The following CADM2 variants were observed in gnomAD, a reference collection of about 807,000 sequenced individuals.
CADM2 encodes cell adhesion molecule 2.
In CADM2, 12 loss-of-function variants were observed where a neutral mutation model predicts 49.8. That is an observed-to-expected ratio of 0.24 (90% CI 0.15 to 0.39). The LOEUF (loss-of-function observed/expected upper bound fraction) is 0.39. Ranked by LOEUF, CADM2 falls within the 10% of genes least tolerant of loss-of-function variation. The pLI, the probability that CADM2 is intolerant of heterozygous loss-of-function variation, is 1.00. For synonymous variants in CADM2, 214 were observed against 175.4 expected (o/e 1.22, Z -1.74); for missense variants, 378 against 492.3 (o/e 0.77, Z 2.20).
intron 8 of CADM2, among the ~76,000 whole-genome samples, chr3:85,962,332 T>G (rs1724940621): frequency 6.6e-6 from 1 of 152,006 alleles, no homozygotes; most frequent in African/African-American, 2.4e-5. Context: ...ACTTTATAAC[T>G]TCTGTAATTT....
chr3:85,665,944 T>A (rs57967637), intron 1 of CADM2, among the ~76,000 whole-genome samples: 3 of 151,826 alleles, frequency 2.0e-5, no homozygotes, highest in Non-Finnish European at 4.4e-5. Context: ...AAAGAAGAAG[T>A]CAAATTGTCT....
At chr3:85,257,660 T>G (rs965116366) in intron 1 of CADM2, among the ~76,000 whole-genome samples, 1 of 152,118 alleles carries the variant, frequency 6.6e-6, no homozygotes, top group Non-Finnish European at 1.5e-5. Flanking sequence ...TGGCCCAGGA[T>G]TAATATCCAG....
intron 1 of CADM2, among the ~76,000 whole-genome samples, chr3:85,705,586 C>T (rs950734281): frequency 1.3e-5 from 2 of 152,138 alleles, no homozygotes; most frequent in African/African-American, 4.8e-5. Flanking sequence ...ATCATGATTC[C>T]TCAATCTGTA....
At chr3:85,922,807 C>G (rs542144474) in intron 6 of CADM2, among the ~76,000 whole-genome samples, 1 of 150,272 alleles carries the variant, frequency 6.7e-6, no homozygotes, top group South Asian at 2.1e-4. Flanking sequence ...TAAAATAAAA[C>G]TAAAATATAT....
chr3:85,451,494 C>T (rs910525659), intron 1 of CADM2, among the ~76,000 whole-genome samples: 1 of 152,020 alleles, frequency 6.6e-6, no homozygotes, highest in Non-Finnish European at 1.5e-5. Flanking sequence ...ACACCCACAG[C>T]TGTTTTGTTT....
At chr3:85,755,702 G>C (rs2069084444) in intron 2 of CADM2, among the ~76,000 whole-genome samples, 1 of 152,078 alleles carries the variant, frequency 6.6e-6, no homozygotes, top group Non-Finnish European at 1.5e-5. Flanking sequence ...AGTGAGAGAA[G>C]GGGGAGGTGC....
intron 7 of CADM2, among the ~76,000 whole-genome samples, chr3:85,938,556 G>A (rs1333508102): frequency 6.6e-6 from 1 of 152,028 alleles, no homozygotes; most frequent in African/African-American, 2.4e-5. Flanking sequence ...AGCCATACAA[G>A]AGTGGGAGTG....
intron 1 of CADM2, among the ~76,000 whole-genome samples, chr3:84,980,398 A>G (rs1434413919): frequency 1.3e-5 from 2 of 152,196 alleles, no homozygotes; most frequent in Non-Finnish European, 2.9e-5. Flanking sequence ...TTTATTATGA[A>G]CAGCAAAATA....
intron 1 of CADM2, among the ~76,000 whole-genome samples, chr3:85,414,825 T>C (rs1356232120): frequency 6.6e-6 from 1 of 152,166 alleles, no homozygotes; most frequent in Admixed American, 6.6e-5. Context: ...CTATGTGTTA[T>C]GCGGGAAGGG....
At chr3:85,935,187 T>C (rs1438581372) in intron 6 of CADM2, among the ~76,000 whole-genome samples, 1 of 152,148 alleles carries the variant, frequency 6.6e-6, no homozygotes, top group Non-Finnish European at 1.5e-5. Context: ...ATGTTAACTT[T>C]TAATAAAATC....
At chr3:86,039,896 A>G (rs924717092) in intron 8 of CADM2, among the ~76,000 whole-genome samples, 1 of 152,182 alleles carries the variant, frequency 6.6e-6, no homozygotes, top group Non-Finnish European at 1.5e-5. Context: ...TTCCAGAGGA[A>G]CGATCAGGCA....
In CADM2 at chr3:85,076,709, CACCTTTAATT is replaced by C. The variant is rs534126193; in HGVS notation, c.61+117042_61+117051del. 4.9e-4 allele frequency among the ~76,000 whole-genome samples: 75 copies of C among 152,146 alleles called. 2 individuals are homozygous for C. The East Asian group carries it at 0.014, about 29-fold the overall frequency. On this transcript the variant is annotated intron_variant, in intron 1 of 9. Transcript: ENST00000383699. ...ATTTTCGGCTGGGCATGGTGGTTCA[CACCTTTAATT>C]CCAGCACTTTGAGAGGTCGAGGTGT...
intron 1 of CADM2, among the ~76,000 whole-genome samples, chr3:85,695,507 T>G (rs528314005): frequency 1.3e-5 from 2 of 152,118 alleles, no homozygotes; most frequent in South Asian, 2.1e-4. Context: ...TCCATCCAAT[T>G]TGCTGCAAGA....
chr3:85,308,266 T>G (rs1218183105), intron 1 of CADM2, among the ~76,000 whole-genome samples: 1 of 149,686 alleles, frequency 6.7e-6, no homozygotes, highest in African/African-American at 2.5e-5. Context: ...AAGATTCAAG[T>G]TTTTTTTTAT....
At chr3:85,017,853 G>T (rs1370552422) in intron 1 of CADM2, among the ~76,000 whole-genome samples, 1 of 152,102 alleles carries the variant, frequency 6.6e-6, no homozygotes, top group East Asian at 1.9e-4. Context: ...TTGTTACTAT[G>T]ACCCGAGTCA....
chr3:85,260,244 A>C (rs1287321504), intron 1 of CADM2, among the ~76,000 whole-genome samples: 2 of 152,064 alleles, frequency 1.3e-5, no homozygotes, highest in East Asian at 1.9e-4. Context: ...TATAATAATA[A>C]AGCAAAAGCC....
At chr3:84,977,852 T>A (rs531728608) in intron 1 of CADM2, among the ~76,000 whole-genome samples, 19 of 152,082 alleles carry the variant, frequency 1.2e-4, no homozygotes, top group African/African-American at 4.6e-4. Context: ...TCCTAAGGTG[T>A]CAATCAGCAG....
chr3:85,667,242 T>C (rs2065597256), intron 1 of CADM2, among the ~76,000 whole-genome samples: 1 of 152,016 alleles, frequency 6.6e-6, no homozygotes, highest in South Asian at 2.1e-4. Flanking sequence ...TTTAAACTCT[T>C]CGGTAGCCAT....
chr3:85,307,949 A>G (rs1342288591), intron 1 of CADM2, among the ~76,000 whole-genome samples: 2 of 151,414 alleles, frequency 1.3e-5, no homozygotes, highest in Non-Finnish European at 1.5e-5. Flanking sequence ...TTAGAAAAAA[A>G]AAAAAACACA....
Sources: allele counts gnomAD v4.1 joint callset (sites outside exome capture counted in the v4.1 genomes callset), GRCh38; gene constraint gnomAD v4.1.1; transcripts MANE v1.5; gene names NCBI Gene and HGNC (gene_info 2026-07-23, HGNC 2026-07-21).